Variants in SLC16A1 observed in about 807,000 individuals in gnomAD.
The protein encoded by SLC16A1 is solute carrier family 16 member 1, also known as monocarboxylate transporter 1.
SLC16A1 carries 11 observed loss-of-function variants against 32.2 expected under a neutral mutation model. That is an observed-to-expected ratio of 0.34 (90% CI 0.21 to 0.56). The LOEUF is 0.56. Ranked by LOEUF, SLC16A1 falls within the 20% of genes least tolerant of loss-of-function variation. The pLI, the probability that SLC16A1 is intolerant of heterozygous loss-of-function variation, is 0.87. For missense variants in SLC16A1, 435 were observed against 615.0 expected, an observed-to-expected ratio of 0.71 and a Z score of 3.10; for synonymous variants, 231 against 226.8, an observed-to-expected ratio of 1.02 and a Z score of -0.17.
Position 112,913,909 on chromosome 1 carries a change from C to G in SLC16A1, c.1485G>C (p.Glu495Asp), listed in dbSNP as rs559967543. The G allele has an allele frequency of 5.6e-6, 9 of 1,614,164 alleles. No individual in the cohort carries two copies. In the South Asian group the frequency reaches 8.8e-5, roughly 16 times the overall value. The change falls in exon 5 of 5, where the codon GAG (glutamate) becomes GAC (aspartate). Residue 495 changes from glutamate (E) to aspartate (D), a missense_variant. Transcript: ENST00000369626. Reference sequence around the variant, plus strand: ...CATGGATTCAGACTGGACTTTCCTCCTCCTTGGGCCCTCCATCTGTGTCTT... The same window carrying G: ...CATGGATTCAGACTGGACTTTCCTCGTCCTTGGGCCCTCCATCTGTGTCTT... The part of the protein sequence containing the change: ...DQKDTDGGPK[E>D]EESPV
At chr1:112,934,505 T>G (rs1231352748) in intron 1 of SLC16A1, among the ~76,000 whole-genome samples, 1 of 152,222 alleles carries the variant, frequency 6.6e-6, no homozygotes, top group African/African-American at 2.4e-5. Context: ...ACATTCAAGT[T>G]AGTAAATTTT....
chr1:112,954,408 T>G (rs555797163), intron 1 of SLC16A1, among the ~76,000 whole-genome samples: 20 of 152,318 alleles, frequency 1.3e-4, no homozygotes, highest in African/African-American at 4.8e-4. Flanking sequence ...TTAGATCACT[T>G]AATCCCTCCA....
At chr1:112,937,387 A>T (rs1410533086) in intron 1 of SLC16A1, among the ~76,000 whole-genome samples, 1 of 152,212 alleles carries the variant, frequency 6.6e-6, no homozygotes, top group Non-Finnish European at 1.5e-5. Flanking sequence ...ATTTAAAAGG[A>T]AATAAGAAAG....
At chr1:112,938,756 T>C (rs1036703250) in intron 1 of SLC16A1, among the ~76,000 whole-genome samples, 3 of 152,214 alleles carry the variant, frequency 2.0e-5, no homozygotes, top group African/African-American at 7.2e-5. Flanking sequence ...TTATGATAAT[T>C]GATTTTAGAC....
chr1:112,927,500 G>A (rs897767244), intron 2 of SLC16A1, among the ~76,000 whole-genome samples: 3 of 152,128 alleles, frequency 2.0e-5, no homozygotes, highest in Non-Finnish European at 2.9e-5. Context: ...TAAAAGTGAT[G>A]AAAACTATTA....
chr1:112,916,975 C>T (rs1648534029), intron 4 of SLC16A1: 1 of 697,906 alleles, frequency 1.4e-6, no homozygotes, highest in Non-Finnish European at 2.5e-6. Context: ...TTTGATCCCC[C>T]TTTTGCCTTG....
chr1:112,926,945 T>C (rs1166899489), intron 2 of SLC16A1, among the ~76,000 whole-genome samples: 6 of 149,010 alleles, frequency 4.0e-5, no homozygotes, highest in South Asian at 2.1e-4. Context: ...GCTTGGGCCA[T>C]AGAGTGAGAC....
chr1:112,914,190 A>G, intron 4 of SLC16A1, 25 bp from the exon 5 acceptor site: 1 of 1,613,240 alleles, frequency 6.2e-7, no homozygotes, highest in Non-Finnish European at 8.5e-7. Context: ...CAACACAAAC[A>G]GTTGTTTCTA....
At chr1:112,930,269 T>C (rs544723958) in intron 1 of SLC16A1, among the ~76,000 whole-genome samples, 2 of 152,234 alleles carry the variant, frequency 1.3e-5, no homozygotes, top group African/African-American at 2.4e-5. Context: ...GAAGTCAAAA[T>C]TGAATTGAAT....
At chr1:112,924,943 T>C (rs1042612214) in intron 2 of SLC16A1, among the ~76,000 whole-genome samples, 2 of 152,150 alleles carry the variant, frequency 1.3e-5, no homozygotes, top group African/African-American at 4.8e-5. Context: ...GCCTATATTA[T>C]TAAGTTTCAT....
intron 1 of SLC16A1, among the ~76,000 whole-genome samples, chr1:112,931,715 A>G (rs1401497452): frequency 6.6e-6 from 1 of 151,768 alleles, no homozygotes; most frequent in African/African-American, 2.4e-5. Context: ...TTCACTTAGT[A>G]CTAATGAATA....
rs774025191 is a variant in SLC16A1 at position 112,929,103 on chromosome 1, A to G, written c.206T>C (p.Met69Thr). The change falls in exon 2 of 5, where the codon ATG becomes ACG. Residue 69 changes from methionine (M) to threonine (T), a missense_variant. Met to Thr is a moderately conservative substitution (Grantham distance 81). This residue lies in a region of SLC16A1 where 324 missense variants were observed against 500.3 expected (regional missense o/e 0.65). Coordinates refer to ENST00000369626, the MANE Select transcript of SLC16A1 (RefSeq NM_003051.4). ...TAATGGGTACTTACCTCCACCATAC[A>G]TGACAGCCAACATTATGGAGGATAT... ...SWISSIMLAVMYGGGPISSIL... is the reference protein window; with the variant it reads ...SWISSIMLAVTYGGGPISSIL... The G allele has an allele frequency of 3.1e-6, 5 of 1,613,438 alleles. No homozygotes were observed. The highest frequency in any genetic ancestry group is 4.2e-6 in the Non-Finnish European group (5 of 1,179,560).
At chr1:112,953,379 T>C (rs1026528844) in intron 1 of SLC16A1, among the ~76,000 whole-genome samples, 2 of 152,160 alleles carry the variant, frequency 1.3e-5, no homozygotes, top group African/African-American at 2.4e-5. Context: ...GCCAGGCTGG[T>C]CTTGAACTCC....
intron 4 of SLC16A1, among the ~76,000 whole-genome samples, chr1:112,915,555 A>C (rs1212559400): frequency 6.6e-6 from 1 of 152,172 alleles, no homozygotes; most frequent in Non-Finnish European, 1.5e-5. Flanking sequence ...AGTTTTAAGA[A>C]ATCTTGAAGA....
At chr1:112,934,037 A>T (rs1423259728) in intron 1 of SLC16A1, among the ~76,000 whole-genome samples, 1 of 152,252 alleles carries the variant, frequency 6.6e-6, no homozygotes, top group African/African-American at 2.4e-5. Context: ...TGCATGCGAT[A>T]ACATGGATGA....
intron 2 of SLC16A1, chr1:112,924,235 A>G: frequency 1.3e-6 from 2 of 1,516,380 alleles, no homozygotes; most frequent in Non-Finnish European, 1.8e-6. Context: ...GAGCAGTTGG[A>G]GCAGAACTTG....
At chr1:112,926,058 T>A (rs748428261) in intron 2 of SLC16A1, among the ~76,000 whole-genome samples, 1 of 152,214 alleles carries the variant, frequency 6.6e-6, no homozygotes, top group South Asian at 2.1e-4. Context: ...AATTAACTAA[T>A]ATATGTGAGG....
At chr1:112,921,879 T>G in intron 3 of SLC16A1, 111 bp downstream of exon 3, 1 of 1,314,538 alleles carries the variant, frequency 7.6e-7, no homozygotes, top group Non-Finnish European at 1.1e-6. Flanking sequence ...GATAATCAAG[T>G]CATTTCTATA....
At chr1:112,925,505 AG>A (rs1648909042) in intron 2 of SLC16A1, among the ~76,000 whole-genome samples, 1 of 151,972 alleles carries the variant, frequency 6.6e-6, no homozygotes, top group Non-Finnish European at 1.5e-5. Context: ...CAGCCTCCCG[AG>A]TAGCTGGGAC....
Sources: gnomAD v4.1 joint callset for allele counts (sites outside exome capture counted in the v4.1 genomes callset) on GRCh38, gnomAD v4.1.1 for gene constraint, gnomAD v4.1.1 regional missense constraint, MANE v1.5 for transcripts, NCBI Gene and HGNC (gene_info 2026-07-23, HGNC 2026-07-21) for gene names.